The following XIRP2 variants were observed in gnomAD, a reference collection of about 807,000 sequenced individuals.
The protein encoded by XIRP2 is xin actin-binding repeat-containing protein 2.
A neutral mutation model predicts 277.0 loss-of-function variants in XIRP2; 236 were observed. That is an observed-to-expected ratio of 0.85 (90% CI 0.77 to 0.95). The LOEUF (loss-of-function observed/expected upper bound fraction) is 0.95. XIRP2 is among the 40% of genes least tolerant of loss of function. The pLI is 0.00. For synonymous variants in XIRP2, 1,490 were observed against 1,416.5 expected, an observed-to-expected ratio of 1.05 and a Z score of -1.17; for missense variants, 4,640 against 4,157.5, an observed-to-expected ratio of 1.12 and a Z score of -3.19.
intron 3 of XIRP2, among the ~76,000 whole-genome samples, chr2:167,142,553 TAATAAAA>T (rs1325409392): frequency 1.3e-5 from 2 of 150,002 alleles, no homozygotes; most frequent in African/African-American, 4.9e-5. Context: ...TCACAAAAAA[TAATAAAA>T]AATAAAAAAA....
At chr2:166,957,865 T>C (rs1686202755) in intron 2 of XIRP2, among the ~76,000 whole-genome samples, 1 of 151,860 alleles carries the variant, frequency 6.6e-6, no homozygotes, top group African/African-American at 2.4e-5. Flanking sequence ...ATGACTGCAC[T>C]GTAAAAATAT....
At chr2:167,027,741 G>A (rs1056577714) in intron 2 of XIRP2, among the ~76,000 whole-genome samples, 3 of 152,050 alleles carry the variant, frequency 2.0e-5, no homozygotes, top group African/African-American at 7.2e-5. Context: ...ACCCTTAGCT[G>A]CAGGTCTGTT....
intron 3 of XIRP2, among the ~76,000 whole-genome samples, chr2:167,160,083 A>C (rs971756192): frequency 2.6e-5 from 4 of 152,200 alleles, no homozygotes; most frequent in African/African-American, 9.6e-5. Context: ...AAAAAAAATA[A>C]GATATTGAAA....
chr2:167,212,834 A>G (rs1694093982), intron 4 of XIRP2, among the ~76,000 whole-genome samples: 1 of 152,140 alleles, frequency 6.6e-6, no homozygotes, highest in Admixed American at 6.5e-5. Context: ...AAATATCTAA[A>G]GCAAAGCAAA....
At chr2:167,107,080 T>C (rs1344608972) in intron 2 of XIRP2, among the ~76,000 whole-genome samples, 1 of 151,748 alleles carries the variant, frequency 6.6e-6, no homozygotes, top group African/African-American at 2.4e-5. Flanking sequence ...TATTTGAAAT[T>C]TTCCATGTCA....
chr2:167,097,192 A>T (rs1004733627), intron 2 of XIRP2, among the ~76,000 whole-genome samples: 1 of 152,044 alleles, frequency 6.6e-6, no homozygotes, highest in Non-Finnish European at 1.5e-5. Flanking sequence ...GTCTCTTTGT[A>T]GTCTCTAAGA....
At chr2:167,091,446 A>G (rs1032758009) in intron 2 of XIRP2, among the ~76,000 whole-genome samples, 3 of 152,072 alleles carry the variant, frequency 2.0e-5, no homozygotes, top group Non-Finnish European at 4.4e-5. Flanking sequence ...TTCCTCTTCA[A>G]CTATGTCTAA....
intron 3 of XIRP2, 31 bp from the exon 4 acceptor site, chr2:167,210,704 A>G (rs1693998170): frequency 6.2e-7 from 1 of 1,610,654 alleles, no homozygotes. Flanking sequence ...AGCTTAACAC[A>G]CATGTGTAAG....
At chr2:166,907,876 G>C (rs1196655153) in intron 2 of XIRP2, among the ~76,000 whole-genome samples, 4 of 149,330 alleles carry the variant, frequency 2.7e-5, no homozygotes, top group Non-Finnish European at 1.5e-5. Context: ...TTGGTTTTTT[G>C]TCTTTGCGTT....
chr2:167,086,105 A>G (rs1028510293), intron 2 of XIRP2, among the ~76,000 whole-genome samples: 4 of 151,330 alleles, frequency 2.6e-5, no homozygotes, highest in Admixed American at 6.6e-5. Context: ...CATGTTTAGC[A>G]CTTCCTTCAG....
intron 2 of XIRP2, among the ~76,000 whole-genome samples, chr2:167,099,518 C>G (rs1397788160): frequency 6.6e-6 from 1 of 151,922 alleles, no homozygotes; most frequent in Non-Finnish European, 1.5e-5. Context: ...GGAGAGTGAA[C>G]AGTTCTGTCT....
chr2:167,112,525 C>CTA (rs369237420), intron 2 of XIRP2, among the ~76,000 whole-genome samples: 23 of 147,844 alleles, frequency 1.6e-4, no homozygotes, highest in African/African-American at 3.4e-4. Context: ...GTCTCTCTCT[C>CTA]TATATATATA....
At chr2:167,171,248 C>G (rs7579077) in intron 3 of XIRP2, among the ~76,000 whole-genome samples, 8,149 of 152,174 alleles carry the variant, frequency 0.054, 358 homozygotes, top group African/African-American at 0.12. Context: ...TGGCTAGTTA[C>G]TGCTACAACT....
intron 2 of XIRP2, among the ~76,000 whole-genome samples, chr2:167,094,532 A>G (rs1449348440): frequency 2.0e-5 from 3 of 152,200 alleles, no homozygotes; most frequent in Non-Finnish European, 2.9e-5. Context: ...TTTTCTGCAT[A>G]TGGCTAGCCA....
Position 167,079,440 on chromosome 2 carries a change from C to T in XIRP2, c.409-56469C>T, listed in dbSNP as rs143240524. Among the ~76,000 whole-genome samples the T allele has an allele frequency of 6.0e-4, 92 of 152,216 alleles. No individual in the cohort carries two copies. In the East Asian group the frequency reaches 0.017, roughly 28 times the overall value. Reference sequence around the variant, plus strand: ...TCTTCTTTGTACGTCTGGTAGAATTCGGCTGTGAATTCCTTTGATTGGGGC... The same window carrying T: ...TCTTCTTTGTACGTCTGGTAGAATTTGGCTGTGAATTCCTTTGATTGGGGC... On this transcript the variant is annotated intron_variant, in intron 2 of 10. Coordinates refer to ENST00000409195, the MANE Select transcript of XIRP2 (RefSeq NM_152381.6).
At chr2:166,967,511 C>G (rs1477452684) in intron 2 of XIRP2, among the ~76,000 whole-genome samples, 1 of 151,930 alleles carries the variant, frequency 6.6e-6, no homozygotes, top group Non-Finnish European at 1.5e-5. Context: ...TGGAGCAATA[C>G]TTTTACCATT....
intron 2 of XIRP2, among the ~76,000 whole-genome samples, chr2:167,094,758 C>G (rs1243415781): frequency 6.6e-6 from 1 of 152,166 alleles, no homozygotes; most frequent in Admixed American, 6.5e-5. Context: ...CGTGATGCCT[C>G]CAGCTTTATT....
chr2:166,907,818 A>T (rs1345030507), intron 2 of XIRP2, among the ~76,000 whole-genome samples: 1 of 125,522 alleles, frequency 8.0e-6, no homozygotes, highest in Admixed American at 1.1e-4. Context: ...CCTGTGTCCA[A>T]GTGTTCTCAT....
chr2:167,255,625 G>T (rs1282732226), intron 10 of XIRP2, among the ~76,000 whole-genome samples: 1 of 151,604 alleles, frequency 6.6e-6, no homozygotes, highest in Non-Finnish European at 1.5e-5. Flanking sequence ...ATAAATTATT[G>T]TACCACATCT....
Sources: allele counts gnomAD v4.1 joint callset (sites outside exome capture counted in the v4.1 genomes callset), GRCh38; gene constraint gnomAD v4.1.1; transcripts MANE v1.5; gene names NCBI Gene and HGNC (gene_info 2026-07-23, HGNC 2026-07-21).